PKHD1: variants seen among roughly 807,000 people sequenced by gnomAD.
PKHD1 encodes fibrocystin.
Under a neutral mutation model 412.0 loss-of-function variants are expected in PKHD1, and 291 were observed. The ratio of observed to expected loss-of-function variants is 0.71; its 90% CI spans 0.64 to 0.78. The LOEUF (loss-of-function observed/expected upper bound fraction) is 0.78, where lower values mean the gene tolerates loss of function less well. Ranked by LOEUF, PKHD1 falls within the 30% of genes least tolerant of loss-of-function variation. The pLI is 0.00. For synonymous variants in PKHD1, 1,777 were observed against 1,821.5 expected, an observed-to-expected ratio of 0.98 and a Z score of 0.62; for missense variants, 4,825 against 4,950.7, an observed-to-expected ratio of 0.97 and a Z score of 0.76.
chr6:51,740,469 G>T (rs1396370861), intron 60 of PKHD1, among the ~76,000 whole-genome samples: 2 of 152,138 alleles, frequency 1.3e-5, no homozygotes, highest in Non-Finnish European at 2.9e-5. Flanking sequence ...AAAAAATATG[G>T]AAAGGATATA....
chr6:51,699,920 A>AGTGTGTATGTGTGTGTGTGTGTGTGT (rs57760395), intron 60 of PKHD1, among the ~76,000 whole-genome samples: 1,570 of 137,868 alleles, frequency 0.011, 46 homozygotes, highest in East Asian at 0.03. Flanking sequence ...ATATATATGG[A>AGTGTGTATGTGTGTGTGTGTGTGTGT]GTGTGTGTGT....
chr6:51,812,677 A>G (rs1322400092), intron 52 of PKHD1, among the ~76,000 whole-genome samples: 1 of 152,206 alleles, frequency 6.6e-6, no homozygotes, highest in Non-Finnish European at 1.5e-5. Flanking sequence ...ATGGCTATGC[A>G]AAGCTGTCTC....
In PKHD1 at chr6:51,754,859, C is replaced by T; in HGVS notation, c.8722G>A (p.Ala2908Thr). 6.2e-7 allele frequency: 1 copy of T among 1,613,340 alleles called. No homozygotes were observed. Among genetic ancestry groups the T allele is most frequent in the Non-Finnish European group, 8.5e-7 (1 of 1,179,348 alleles). ...LSSSSYEPHE[A>T]EVLTVKEVKG... ...ACTTCTTTCACAGTGAGGACCTCTGCTTCATGAGGCTCATAAGAAGAGGAG... is the reference window on the plus strand; with the variant it reads ...ACTTCTTTCACAGTGAGGACCTCTGTTTCATGAGGCTCATAAGAAGAGGAG... The change falls in exon 56 of 67, where the codon GCA (alanine) becomes ACA (threonine). Residue 2908 changes from alanine (A) to threonine (T), a missense_variant. Physicochemically the swap from Ala to Thr is moderately conservative, Grantham distance 58 (BLOSUM62 0). Coordinates refer to ENST00000371117, the MANE Select transcript of PKHD1 (RefSeq NM_138694.4).
chr6:51,633,856 T>C (rs1232584180), intron 64 of PKHD1, among the ~76,000 whole-genome samples: 3 of 152,120 alleles, frequency 2.0e-5, no homozygotes, highest in African/African-American at 7.2e-5. Context: ...TAAAACCACA[T>C]ACAAAAATGT....
At chr6:51,679,278 C>T (rs542520909) in intron 60 of PKHD1, among the ~76,000 whole-genome samples, 2 of 152,166 alleles carry the variant, frequency 1.3e-5, no homozygotes, top group African/African-American at 4.8e-5. Flanking sequence ...CAGCAAACAT[C>T]ATAACAGTTA....
chr6:52,044,910 G>A, intron 25 of PKHD1, 56 bp downstream of exon 25: 1 of 1,597,234 alleles, frequency 6.3e-7, no homozygotes, highest in Non-Finnish European at 8.6e-7. Context: ...AATCAGTGAG[G>A]AGTGAGTTAG....
chr6:51,900,929 A>G (rs1259994118), intron 43 of PKHD1, among the ~76,000 whole-genome samples: 1 of 152,240 alleles, frequency 6.6e-6, no homozygotes, highest in African/African-American at 2.4e-5. Flanking sequence ...GCTCATCATC[A>G]CTGGCCATCA....
At chr6:52,033,277 G>T in intron 28 of PKHD1, 112 bp from the exon 29 acceptor site, 3 of 857,912 alleles carry the variant, frequency 3.5e-6, no homozygotes, top group Non-Finnish European at 5.7e-6. Flanking sequence ...TAAGAAAGTT[G>T]TTCCTAAAGG....
intron 5 of PKHD1, among the ~76,000 whole-genome samples, chr6:52,077,167 T>G (rs1811439504): frequency 6.6e-6 from 1 of 151,694 alleles, no homozygotes; most frequent in Non-Finnish European, 1.5e-5. Flanking sequence ...ATGAAAAGAG[T>G]CACCCAATCT....
At chr6:52,036,402 G>A (rs1294594022) in intron 27 of PKHD1, among the ~76,000 whole-genome samples, 2 of 152,208 alleles carry the variant, frequency 1.3e-5, no homozygotes, top group Non-Finnish European at 2.9e-5. Flanking sequence ...AAGAGAGTTG[G>A]CTCCAGTTCT....
intron 55 of PKHD1, among the ~76,000 whole-genome samples, chr6:51,760,552 AAGG>A (rs1162744900): frequency 2.0e-5 from 3 of 152,080 alleles, no homozygotes; most frequent in African/African-American, 7.2e-5. Context: ...TTATACAGTC[AAGG>A]AGGAGATGCA....
At chr6:51,642,101 C>T (rs1462760069) in intron 63 of PKHD1, among the ~76,000 whole-genome samples, 3 of 152,110 alleles carry the variant, frequency 2.0e-5, no homozygotes, top group Non-Finnish European at 4.4e-5. Flanking sequence ...GCCTCATTCA[C>T]TTTTCATGGC....
At chr6:52,007,134 T>C (rs958565961) in intron 35 of PKHD1, among the ~76,000 whole-genome samples, 2 of 152,238 alleles carry the variant, frequency 1.3e-5, no homozygotes, top group Non-Finnish European at 2.9e-5. Flanking sequence ...CAATTGCGAA[T>C]TGTGCTGCTA....
intron 60 of PKHD1, among the ~76,000 whole-genome samples, chr6:51,732,419 C>A (rs567638784): frequency 6.6e-6 from 1 of 152,172 alleles, no homozygotes; most frequent in Non-Finnish European, 1.5e-5. Context: ...ACAACATAAA[C>A]CACAACTCCT....
rs557109090 is a variant in PKHD1 at position 51,945,528 on chromosome 6, C to T, written c.5909-11206G>A. ...AATGCAGTCAGATGTGCATGGGACA[C>T]TAATGGAGGCACAAGGCTCATGTTT... On this transcript the variant is annotated intron_variant, in intron 36 of 66. Coordinates refer to ENST00000371117, the MANE Select transcript of PKHD1 (RefSeq NM_138694.4). Among the ~76,000 whole-genome samples, 3 of 152,292 alleles carry T rather than the reference C, an allele frequency of 2.0e-5. No individual in the cohort carries two copies. The South Asian group carries it at 6.2e-4, about 32-fold the overall frequency.
chr6:51,723,097 G>A (rs1335525981), intron 60 of PKHD1, among the ~76,000 whole-genome samples: 1 of 152,128 alleles, frequency 6.6e-6, no homozygotes, highest in African/African-American at 2.4e-5. Context: ...ATATTGTCTT[G>A]AAAAAGAGAA....
intron 46 of PKHD1, among the ~76,000 whole-genome samples, chr6:51,881,548 T>C (rs1002572296): frequency 6.6e-6 from 1 of 152,184 alleles, no homozygotes; most frequent in Non-Finnish European, 1.5e-5. Context: ...TAGCTTTTCA[T>C]GAAAAACACT....
intron 60 of PKHD1, among the ~76,000 whole-genome samples, chr6:51,678,462 G>A (rs895708011): frequency 1.3e-5 from 2 of 152,082 alleles, no homozygotes; most frequent in African/African-American, 2.4e-5. Flanking sequence ...TGTTTGTCTA[G>A]TATTCTGGAA....
chr6:51,643,910 A>G (rs769072319), intron 63 of PKHD1, among the ~76,000 whole-genome samples: 1 of 151,756 alleles, frequency 6.6e-6, no homozygotes, highest in Non-Finnish European at 1.5e-5. Flanking sequence ...ATGTGTTCTC[A>G]CTGGAAAACA....
Sources: gnomAD v4.1 joint callset for allele counts (sites outside exome capture counted in the v4.1 genomes callset) on GRCh38, gnomAD v4.1.1 for gene constraint, MANE v1.5 for transcripts, NCBI Gene and HGNC (gene_info 2026-07-23, HGNC 2026-07-21) for gene names.